Variants in ICE2 observed in about 807,000 individuals in gnomAD.
The protein encoded by ICE2 is interactor of little elongation complex ELL subunit 2.
Under a neutral mutation model 105.4 loss-of-function variants are expected in ICE2, and 87 were observed. The ratio of observed to expected loss-of-function variants is 0.83; its 90% CI spans 0.69 to 0.99. ICE2 has a LOEUF of 0.99. Among genes scored for constraint, ICE2 ranks in the 50% least tolerant of loss-of-function variants. The pLI, the probability that ICE2 is intolerant of heterozygous loss-of-function variation, is 0.00. For synonymous variants in ICE2, 399 were observed against 392.0 expected (o/e 1.02, Z -0.21); for missense variants, 1,323 against 1,146.7 (o/e 1.15, Z -2.22).
chr15:60,431,007 G>A (rs1242517318), intron 14 of ICE2, among the ~76,000 whole-genome samples: 1 of 152,032 alleles, frequency 6.6e-6, no homozygotes, highest in African/African-American at 2.4e-5. Context: ...GAGTAGGTGG[G>A]ATTACAGGTG....
chr15:60,476,250 T>TA, intron 2 of ICE2, 83 bp from the exon 3 acceptor site: 1 of 777,812 alleles, frequency 1.3e-6, no homozygotes, highest in Non-Finnish European at 2.1e-6. Flanking sequence ...AATTGTAACT[T>TA]ACAATTTCAT....
At chr15:60,437,297 T>C (rs968334208) in intron 12 of ICE2, among the ~76,000 whole-genome samples, 13 of 151,626 alleles carry the variant, frequency 8.6e-5, no homozygotes, top group African/African-American at 3.1e-4. Context: ...CCATAAGATT[T>C]CCCAAAGTTA....
intron 5 of ICE2, 75 bp downstream of exon 5, chr15:60,466,519 G>A: frequency 6.5e-7 from 1 of 1,535,656 alleles, no homozygotes; most frequent in Non-Finnish European, 8.8e-7. Flanking sequence ...GCTTTTGGTG[G>A]AATCATCACA....
intron 11 of ICE2, among the ~76,000 whole-genome samples, chr15:60,446,716 C>T (rs563366938): frequency 6.6e-6 from 1 of 152,174 alleles, no homozygotes; most frequent in African/African-American, 2.4e-5. Flanking sequence ...TAATATGATA[C>T]AGTAGTCAGG....
intron 2 of ICE2, among the ~76,000 whole-genome samples, chr15:60,476,979 G>A (rs114765389): frequency 0.021 from 3,216 of 152,256 alleles, 120 homozygotes; most frequent in African/African-American, 0.068. Flanking sequence ...GCACTGGCAA[G>A]GAATGCAAAT....
intron 2 of ICE2, among the ~76,000 whole-genome samples, chr15:60,476,491 G>T (rs1595831602): frequency 6.6e-6 from 1 of 152,212 alleles, no homozygotes; most frequent in Non-Finnish European, 1.5e-5. Flanking sequence ...TCAAGGGTCT[G>T]TCAAAGGCTG....
At chr15:60,451,364 T>C (rs1201567390) in intron 9 of ICE2, 2 of 935,840 alleles carry the variant, frequency 2.1e-6, no homozygotes, top group Non-Finnish European at 2.5e-6. Context: ...AAAATCTCAA[T>C]ATAGACCAAA....
chr15:60,433,112 T>C (rs1269667996), intron 13 of ICE2, among the ~76,000 whole-genome samples: 1 of 149,294 alleles, frequency 6.7e-6, no homozygotes, highest in African/African-American at 2.5e-5. Flanking sequence ...TGAGACAGAG[T>C]CTCGCTCTGT....
intron 13 of ICE2, among the ~76,000 whole-genome samples, chr15:60,434,421 G>C (rs1370541301): frequency 6.6e-6 from 1 of 151,998 alleles, no homozygotes; most frequent in African/African-American, 2.4e-5. Flanking sequence ...AAAAAGGCTG[G>C]TGCCACTGGC....
At chr15:60,455,503 G>A (rs572158197) in intron 6 of ICE2, 61 bp from the exon 7 acceptor site, 3 of 1,064,444 alleles carry the variant, frequency 2.8e-6, no homozygotes, top group Non-Finnish European at 4.3e-6. Flanking sequence ...TCTAAGAAAA[G>A]TATCTTTCAT....
rs1425301397 is a variant in ICE2, at chr15:60,456,540, C to CAAAAAAA, written c.666+110_666+116dup. 1.7e-3 allele frequency: 63 copies of CAAAAAAA among 36,236 alleles called. 1 individual carries two copies. Among genetic ancestry groups the CAAAAAAA allele is most frequent in the African/African-American group, 2.7e-3 (37 of 13,842 alleles). The allele number at this position is 36,236 out of a possible 1,614,324, so 2.2% of individuals were successfully genotyped here. ...GGCGACGAGAGAGAGACTCTGTCTC[C>CAAAAAAA]AAAAAAAAAAATAAATAAATAAATA... On this transcript the variant is annotated intron_variant, in intron 6 of 15. Coordinates refer to ENST00000261520, the MANE Select transcript of ICE2 (RefSeq NM_024611.6).
At chr15:60,463,741 G>C (rs575938616) in intron 5 of ICE2, among the ~76,000 whole-genome samples, 11 of 152,284 alleles carry the variant, frequency 7.2e-5, no homozygotes, top group Non-Finnish European at 1.3e-4. Flanking sequence ...TTGCACTCTA[G>C]CCTGGGCGAC....
intron 3 of ICE2, among the ~76,000 whole-genome samples, chr15:60,472,923 GT>G (rs940487213): frequency 2.0e-5 from 3 of 151,918 alleles, no homozygotes; most frequent in African/African-American, 7.3e-5. Context: ...CAAATAAGTT[GT>G]TTTTTTGTTT....
In ICE2 at chr15:60,452,932, A is replaced by C. The variant is rs1195923264; in HGVS notation, c.1125+671T>G. 9 of 985,316 alleles carry C rather than the reference A, an allele frequency of 9.1e-6. No individual in the cohort carries two copies. The Admixed American group carries it at 2.5e-4, about 27-fold the overall frequency. 61.0% of individuals were successfully genotyped at this position (985,316 alleles called of 1,614,324 possible). A position where few individuals can be genotyped will look rare whatever the true frequency, so the allele number is the denominator to read the frequency against. ...AGCTCACCTGTTCCTTTTCACACTT[A>C]AAAACTCTTAGATATGGGTCAGGTG... On this transcript the variant is annotated intron_variant, in intron 9 of 15. Coordinates refer to ENST00000261520, the MANE Select transcript of ICE2 (RefSeq NM_024611.6).
At chr15:60,459,115 T>C (rs2064205093) in intron 5 of ICE2, among the ~76,000 whole-genome samples, 2 of 152,198 alleles carry the variant, frequency 1.3e-5, no homozygotes, top group African/African-American at 2.4e-5. Flanking sequence ...AATTTTGTTA[T>C]GTATACTTTA....
intron 3 of ICE2, among the ~76,000 whole-genome samples, chr15:60,474,602 T>C (rs560415793): frequency 4.6e-5 from 7 of 152,294 alleles, no homozygotes; most frequent in East Asian, 3.9e-4. Context: ...CATCCTTTGA[T>C]TGGGGAGTTT....
At position 60,428,516 on chromosome 15, in the gene ICE2, G is replaced by T. The variant is rs763982452; in HGVS notation, c.2733C>A (p.Pro911=). 38 of 1,614,006 alleles carry T rather than the reference G, an allele frequency of 2.4e-5. 1 individual carries two copies. In the South Asian group the frequency reaches 4.0e-4, roughly 17 times the overall value. Residue 911 remains proline, a synonymous_variant, in exon 15 of 16, where the codon CCC becomes CCA. Coordinates refer to ENST00000261520, the MANE Select transcript of ICE2 (RefSeq NM_024611.6). ...SLSVPWVPLD[P]SLLLPYHIHH... ...GGATATGATATGGTAATAACAGGCTGGGATCTAATGGGACCCAGGGAACTG... is the reference window on the plus strand; with the variant it reads ...GGATATGATATGGTAATAACAGGCTTGGATCTAATGGGACCCAGGGAACTG...
chr15:60,474,314 T>A (rs1020072166), intron 3 of ICE2, among the ~76,000 whole-genome samples: 1 of 152,114 alleles, frequency 6.6e-6, no homozygotes, highest in African/African-American at 2.4e-5. Context: ...TCTGGCAATA[T>A]CTATCAAAAT....
At chr15:60,468,965 G>A (rs979641766) in intron 3 of ICE2, among the ~76,000 whole-genome samples, 8 of 152,172 alleles carry the variant, frequency 5.3e-5, no homozygotes, top group African/African-American at 9.7e-5. Flanking sequence ...AAATCCTGGC[G>A]TATCGTTAAT....
Sources: gnomAD v4.1 joint callset for allele counts (sites outside exome capture counted in the v4.1 genomes callset) on GRCh38, gnomAD v4.1.1 for gene constraint, MANE v1.5 for transcripts, NCBI Gene and HGNC (gene_info 2026-07-23, HGNC 2026-07-21) for gene names.